PCDHGB4: variants seen among roughly 807,000 people sequenced by gnomAD.
The protein encoded by PCDHGB4 is protocadherin gamma-B4.
A neutral mutation model predicts 60.5 loss-of-function variants in PCDHGB4; 38 were observed. That is an observed-to-expected ratio of 0.63 (90% confidence interval 0.48 to 0.82). The LOEUF (loss-of-function observed/expected upper bound fraction) is 0.82, where lower values mean the gene tolerates loss of function less well. Among genes scored for constraint, PCDHGB4 ranks in the 40% least tolerant of loss-of-function variants. The pLI is 0.00. For missense variants in PCDHGB4, 1,109 were observed against 1,209.6 expected (o/e 0.92, Z 1.23); for synonymous variants, 456 against 509.7 (o/e 0.89, Z 1.42).
rs550161736 is a variant in PCDHGB4, at chr5:141,427,826, G to T, written c.2397+37545G>T. ...GCGCACAGAGCGGGGTGGTGGTCGCGCAGCGTGCCTTCGACCACGAGCAGC... is the reference window on the plus strand; with the variant it reads ...GCGCACAGAGCGGGGTGGTGGTCGCTCAGCGTGCCTTCGACCACGAGCAGC... On this transcript the variant is annotated intron_variant, in intron 1 of 3. Coordinates refer to ENST00000519479, the MANE Select transcript of PCDHGB4 (RefSeq NM_003736.4). The T allele has an allele frequency of 2.6e-6, 4 of 1,536,502 alleles. No individual in the cohort carries two copies. The East Asian group carries it at 6.8e-5, about 26-fold the overall frequency.
chr5:141,478,038 G>A lies in PCDHGB4; in HGVS notation c.2398-16769G>A, dbSNP rs1401384720. ...CCAGTCCAAGACACAGATTCACCCA[G>A]GCAGACTCTCACGGTCTTGATCAAA... On this transcript the variant is annotated intron_variant, in intron 1 of 3. Transcript: ENST00000519479. 8 of 1,614,006 alleles carry A rather than the reference G, an allele frequency of 5.0e-6. No homozygotes were observed. In the African/African-American group the frequency reaches 1.1e-4, roughly 22 times the overall value.
chr5:141,484,219 C>T (rs766309865), intron 1 of PCDHGB4, among the ~76,000 whole-genome samples: 1 of 152,162 alleles, frequency 6.6e-6, no homozygotes, highest in Non-Finnish European at 1.5e-5. Context: ...TAGCATTCTG[C>T]CAGGTAAAGA....
In PCDHGB4 at chr5:141,404,489, G is replaced by A. The variant is rs867768935; in HGVS notation, c.2397+14208G>A. 30 of 1,613,796 alleles carry A rather than the reference G, an allele frequency of 1.9e-5. No individual in the cohort carries two copies. The highest frequency in any genetic ancestry group is 1.3e-4 in the African/African-American group (10 of 75,048). On this transcript the variant is annotated intron_variant, in intron 1 of 3. Transcript: ENST00000519479. ...TGTCTCTATTAACTCAGACACTGGT[G>A]TGCTGTATGCTCTGTGCTCCTTTGA...
At chr5:141,419,022 G>A in intron 1 of PCDHGB4, 1 of 1,613,960 alleles carries the variant, frequency 6.2e-7, no homozygotes, top group Non-Finnish European at 8.5e-7. Flanking sequence ...AGCTTAAGTA[G>A]AGGTGTTCCA....
intron 1 of PCDHGB4, chr5:141,430,655 G>T (rs1309165721): frequency 1.6e-5 from 17 of 1,084,938 alleles, no homozygotes; most frequent in Non-Finnish European, 2.2e-5. Flanking sequence ...TGGAAACAAC[G>T]GAGGAGCTCT....
At chr5:141,428,189 C>G in intron 1 of PCDHGB4, 1 of 1,429,262 alleles carries the variant, frequency 7.0e-7, no homozygotes, top group African/African-American at 1.4e-5. Flanking sequence ...ACAGCCGCCG[C>G]TCTCTGCGCC....
chr5:141,496,021 G>C lies in PCDHGB4; in HGVS notation c.2456+1156G>C, dbSNP rs1011612662. Among the ~76,000 whole-genome samples, 3 of 151,454 alleles carry C rather than the reference G, an allele frequency of 2.0e-5. No individual in the cohort carries two copies. The East Asian group carries it at 5.8e-4, about 29-fold the overall frequency. ...CTTTTATCTTGTCTTTTTTCTCTGA[G>C]CCTCTGTCTCTGTCTCTCATTTTTT... On this transcript the variant is annotated intron_variant, in intron 2 of 3. Coordinates refer to ENST00000519479, the MANE Select transcript of PCDHGB4 (RefSeq NM_003736.4).
At chr5:141,467,005 G>A (rs1365805332) in intron 1 of PCDHGB4, among the ~76,000 whole-genome samples, 3 of 150,724 alleles carry the variant, frequency 2.0e-5, no homozygotes, top group Non-Finnish European at 4.4e-5. Flanking sequence ...TTTTTGCAAT[G>A]CAATTTTTTT....
chr5:141,458,059 T>G (rs533147047), intron 1 of PCDHGB4, among the ~76,000 whole-genome samples: 39 of 152,358 alleles, frequency 2.6e-4, no homozygotes, highest in African/African-American at 8.9e-4. Context: ...CTTGCTGCAC[T>G]GATGCGAACA....
At chr5:141,488,083 C>T (rs917074240) in intron 1 of PCDHGB4, among the ~76,000 whole-genome samples, 1 of 152,152 alleles carries the variant, frequency 6.6e-6, no homozygotes, top group African/African-American at 2.4e-5. Context: ...GTATCTAGTA[C>T]ACTGTGAAGG....
chr5:141,420,022 T>A, intron 1 of PCDHGB4: 3 of 1,614,104 alleles, frequency 1.9e-6, no homozygotes, highest in Middle Eastern at 3.3e-4. Flanking sequence ...CTTTCAGCCC[T>A]ACTGCAGGAG....
chr5:141,423,513 G>A, intron 1 of PCDHGB4: 2 of 1,613,750 alleles, frequency 1.2e-6, no homozygotes. Context: ...CTCTCATTGC[G>A]GACTCGCAGA....
In PCDHGB4 at chr5:141,438,615, TATATATATATATATATATATACACAC is replaced by T. The variant is rs1337184558; in HGVS notation, c.2397+48336_2397+48361del. ...ACATATATATATATATATATATATATATATATATATATATATATATACACACACACACACACATATATGTATATATA... is the reference window on the plus strand; with the variant it reads ...ACATATATATATATATATATATATATACACACACACATATATGTATATATA... On this transcript the variant is annotated intron_variant, in intron 1 of 3. Coordinates refer to ENST00000519479, the MANE Select transcript of PCDHGB4 (RefSeq NM_003736.4). 3.6e-3 allele frequency among the ~76,000 whole-genome samples: 130 copies of T among 35,912 alleles called. 2 individuals are homozygous for T. Among genetic ancestry groups the T allele is most frequent in the African/African-American group, 0.022 (107 of 4,918 alleles). The allele number at this position is 35,912 out of a possible 152,430, so 23.6% of individuals were successfully genotyped here.
At chr5:141,415,738 AGGTTTTT>A in intron 1 of PCDHGB4, 2 of 538,082 alleles carry the variant, frequency 3.7e-6, no homozygotes, top group Non-Finnish European at 5.4e-6. Flanking sequence ...ATGTTTATTA[AGGTTTTT>A]TTTTTTTTTT....
chr5:141,410,847 G>GTAT, intron 1 of PCDHGB4: 2 of 158,246 alleles, frequency 1.3e-5, no homozygotes, highest in Non-Finnish European at 1.0e-5. Context: ...TTTTGTCTTT[G>GTAT]TCTTTTTTTT....
chr5:141,491,898 G>A lies in PCDHGB4; in HGVS notation c.2398-2909G>A, dbSNP rs772673872. 1.6e-5 allele frequency: 23 copies of A among 1,428,816 alleles called. No homozygotes were observed. The highest frequency in any genetic ancestry group is 3.0e-5 in the South Asian group (2 of 66,966). The allele number at this position is 1,428,816 out of a possible 1,614,324, so 88.5% of individuals were successfully genotyped here. A position where few individuals can be genotyped will look rare whatever the true frequency, so the allele number is the denominator to read the frequency against. ...ATTAAGGGATGGGGCTCCGAGCACC[G>A]GGGGTGGTGGCGACTGTGGGCGAGG... On this transcript the variant is annotated intron_variant, in intron 1 of 3. Coordinates refer to ENST00000519479, the MANE Select transcript of PCDHGB4 (RefSeq NM_003736.4). This position sits in a 1 kb window ranked among gnomAD's most constrained non-coding sequence, Gnocchi z 6.9.
intron 1 of PCDHGB4, chr5:141,423,638 A>G (rs771989468): frequency 2.5e-6 from 4 of 1,598,292 alleles, no homozygotes; most frequent in Non-Finnish European, 3.4e-6. Context: ...ATTTTAGGCA[A>G]ATGTGACCCG....
At chr5:141,422,122 A>C in intron 1 of PCDHGB4, 1 of 1,601,714 alleles carries the variant, frequency 6.2e-7, no homozygotes, top group Non-Finnish European at 8.5e-7. Context: ...GGATTCACAA[A>C]CTGGAGAAGT....
At chr5:141,499,025 GAAGA>G (rs1309889371) in intron 2 of PCDHGB4, among the ~76,000 whole-genome samples, 11 of 140,712 alleles carry the variant, frequency 7.8e-5, no homozygotes, top group African/African-American at 2.6e-4. Flanking sequence ...AGGAAGGAAG[GAAGA>G]AAAGAAAGAA....
Sources: gnomAD v4.1 joint callset for allele counts (sites outside exome capture counted in the v4.1 genomes callset) on GRCh38, gnomAD v4.1.1 for gene constraint, Gnocchi (gnomAD v3.1) non-coding constraint, MANE v1.5 for transcripts, NCBI Gene and HGNC (gene_info 2026-07-23, HGNC 2026-07-21) for gene names.